Variants in CATSPERD observed in about 807,000 individuals in gnomAD.
CATSPERD encodes cation channel sperm-associated auxiliary subunit delta.
CATSPERD carries 86 observed loss-of-function variants against 98.1 expected under a neutral mutation model. That is an observed-to-expected ratio of 0.88 (90% CI 0.74 to 1.05). The LOEUF (loss-of-function observed/expected upper bound fraction) is 1.05, where lower values mean the gene tolerates loss of function less well. Ranked by LOEUF, CATSPERD falls within the 50% of genes least tolerant of loss-of-function variation. The pLI is 0.00. For missense variants in CATSPERD, 995 were observed against 1,005.7 expected (o/e 0.99, Z 0.14); for synonymous variants, 394 against 390.2 (o/e 1.01, Z -0.12).
chr19:5,740,395 CTG>C, intron 7 of CATSPERD, among the ~76,000 whole-genome samples: 17 of 151,668 alleles, frequency 1.1e-4, no homozygotes, highest in African/African-American at 3.9e-4. Flanking sequence ...CGAGACCAGC[CTG>C]ACCAACATGG....
At position 5,741,789 on chromosome 19, in the gene CATSPERD, G is replaced by C. The variant is rs1283264089; in HGVS notation, c.573+2350G>C. ...AGCACTTTGGGATGCTGAAGGCGGG[G>C]GGGGGGGGGTGGTGTGGATCACTTG... On this transcript the variant is annotated intron_variant, in intron 7 of 21. Coordinates refer to ENST00000381624, the MANE Select transcript of CATSPERD (RefSeq NM_152784.4). Among the ~76,000 whole-genome samples, 15 of 101,522 alleles carry C rather than the reference G, an allele frequency of 1.5e-4. 5 individuals are homozygous for C. Among genetic ancestry groups the C allele is most frequent in the African/African-American group, 2.9e-4 (8 of 27,674 alleles). The allele number at this position is 101,522 out of a possible 152,430, so 66.6% of individuals were successfully genotyped here. A position where few individuals can be genotyped will look rare whatever the true frequency, so the allele number is the denominator to read the frequency against.
intron 19 of CATSPERD, among the ~76,000 whole-genome samples, chr19:5,771,597 T>A (rs544801146): frequency 6.6e-6 from 1 of 151,742 alleles, no homozygotes; most frequent in Non-Finnish European, 1.5e-5. Flanking sequence ...TTTTTTTTTT[T>A]TTCCACTCTG....
intron 5 of CATSPERD, among the ~76,000 whole-genome samples, chr19:5,734,995 T>C (rs2145713121): frequency 6.6e-6 from 1 of 152,012 alleles, no homozygotes; most frequent in African/African-American, 2.4e-5. Context: ...GGGAGAAAGA[T>C]GAGGACTCTG....
chr19:5,767,489 ATATTAT>A (rs1047284287), intron 17 of CATSPERD, among the ~76,000 whole-genome samples: 25 of 147,912 alleles, frequency 1.7e-4, no homozygotes, highest in Admixed American at 2.7e-4. Flanking sequence ...TCCCTTTTAT[ATATTAT>A]TATTATTATT....
chr19:5,729,571 CTATT>C (rs1475410114), intron 3 of CATSPERD, among the ~76,000 whole-genome samples: 2 of 152,172 alleles, frequency 1.3e-5, no homozygotes, highest in Admixed American at 6.6e-5. Flanking sequence ...TGGTCTAAAA[CTATT>C]TACGTTAGTG....
chr19:5,758,181 G>A (rs1721339898), intron 14 of CATSPERD, among the ~76,000 whole-genome samples: 1 of 152,116 alleles, frequency 6.6e-6, no homozygotes, highest in African/African-American at 2.4e-5. Context: ...GGAGATCTGA[G>A]TTAGTTGGGT....
intron 5 of CATSPERD, among the ~76,000 whole-genome samples, chr19:5,735,618 G>A (rs529479571): frequency 6.2e-4 from 93 of 149,650 alleles, no homozygotes; most frequent in Non-Finnish European, 9.6e-4. Context: ...GACTACAGGC[G>A]TGTGCCACCA....
chr19:5,776,400 T>G, intron 21 of CATSPERD, 85 bp downstream of exon 21: 1 of 1,475,384 alleles, frequency 6.8e-7, no homozygotes, highest in Non-Finnish European at 9.2e-7. Flanking sequence ...ATGCAGGTCC[T>G]GGCTAAACCT....
chr19:5,742,483 C>G (rs565072284), intron 7 of CATSPERD, among the ~76,000 whole-genome samples: 1 of 152,190 alleles, frequency 6.6e-6, no homozygotes, highest in South Asian at 2.1e-4. Context: ...CTATTGCTAT[C>G]AATTGTATAT....
chr19:5,748,952 A>T, intron 10 of CATSPERD, 149 bp from the exon 11 acceptor site: 2 of 500,158 alleles, frequency 4.0e-6, no homozygotes, highest in Non-Finnish European at 7.1e-6. Context: ...CTGGTCTCAA[A>T]CTCCTGGCCT....
intron 1 of CATSPERD, among the ~76,000 whole-genome samples, chr19:5,723,710 C>T (rs1055454408): frequency 1.3e-5 from 2 of 151,704 alleles, no homozygotes; most frequent in Admixed American, 6.6e-5. Flanking sequence ...GTGATCCACC[C>T]GCCTCGGCCT....
At chr19:5,734,006 T>C in intron 5 of CATSPERD, 36 bp downstream of exon 5, 1 of 1,320,314 alleles carries the variant, frequency 7.6e-7, no homozygotes, top group Non-Finnish European at 1.1e-6. Context: ...TTTGTTTGAG[T>C]GTAGTCAACA....
intron 13 of CATSPERD, among the ~76,000 whole-genome samples, chr19:5,756,948 A>G (rs1357351247): frequency 7.2e-6 from 1 of 138,036 alleles, no homozygotes. Flanking sequence ...GCCTCCAAAA[A>G]AAATAAAAAT....
At chr19:5,765,201 G>A (rs138878448) in intron 16 of CATSPERD, among the ~76,000 whole-genome samples, 70 of 152,266 alleles carry the variant, frequency 4.6e-4, no homozygotes, top group African/African-American at 1.6e-3. Context: ...GAGCCACTGC[G>A]CCTGGCCCAT....
At chr19:5,754,393 CTTTTTTTT>C (rs749080620) in intron 13 of CATSPERD, 148 bp downstream of exon 13, 49 of 230,516 alleles carry the variant, frequency 2.1e-4, no homozygotes, top group Non-Finnish European at 3.2e-4. Flanking sequence ...GTCTCTGTGT[CTTTTTTTT>C]TTTTTTTTTT....
chr19:5,766,309 G>A (rs529898919), intron 17 of CATSPERD, among the ~76,000 whole-genome samples, 154 bp downstream of exon 17: 1 of 125,490 alleles, frequency 8.0e-6, no homozygotes, highest in East Asian at 2.3e-4. Flanking sequence ...AAAAAAATTA[G>A]GCGTGGTGGC....
intron 3 of CATSPERD, 59 bp downstream of exon 3, chr19:5,727,403 CCAT>C: frequency 1.8e-5 from 23 of 1,274,320 alleles, no homozygotes; most frequent in Middle Eastern, 1.9e-4. Flanking sequence ...TAGATTTGCC[CCAT>C]TCATTCGTTC....
chr19:5,771,913 C>A (rs2056651144), intron 19 of CATSPERD, among the ~76,000 whole-genome samples: 1 of 151,968 alleles, frequency 6.6e-6, no homozygotes, highest in Non-Finnish European at 1.5e-5. Flanking sequence ...AGATCAGGGC[C>A]CACCCTACAT....
intron 17 of CATSPERD, among the ~76,000 whole-genome samples, chr19:5,766,362 G>A (rs1027027911): frequency 6.6e-6 from 1 of 151,508 alleles, no homozygotes; most frequent in African/African-American, 2.4e-5. Flanking sequence ...GAGGCTGGAG[G>A]ATCACTTGAA....
Sources: gnomAD v4.1 joint callset for allele counts (sites outside exome capture counted in the v4.1 genomes callset) on GRCh38, gnomAD v4.1.1 for gene constraint, MANE v1.5 for transcripts, NCBI Gene and HGNC (gene_info 2026-07-23, HGNC 2026-07-21) for gene names.